Variants in MAP6 observed in about 807,000 individuals in gnomAD.
MAP6 encodes microtubule associated protein 6.
Under a neutral mutation model 42.4 loss-of-function variants are expected in MAP6, and 26 were observed. The observed-to-expected ratio is 0.61, with a 90% CI of 0.45 to 0.85. The LOEUF (loss-of-function observed/expected upper bound fraction) is 0.85. Ranked by LOEUF, MAP6 falls within the 40% of genes least tolerant of loss-of-function variation. The pLI is 0.00. For synonymous variants in MAP6, 418 were observed against 443.8 expected (o/e 0.94, Z 0.73); for missense variants, 966 against 1,099.0 (o/e 0.88, Z 1.71).
intron 1 of MAP6, among the ~76,000 whole-genome samples, chr11:75,630,900 A>G (rs1057136753): frequency 1.3e-5 from 2 of 152,246 alleles, no homozygotes; most frequent in Non-Finnish European, 2.9e-5. Flanking sequence ...TGAAAATTCC[A>G]CTGTTCTTAC....
At chr11:75,664,900 C>A (rs149236271) in intron 1 of MAP6, among the ~76,000 whole-genome samples, 278 of 151,500 alleles carry the variant, frequency 1.8e-3, no homozygotes, top group African/African-American at 6.0e-3. Context: ...AAAAAAAAAA[C>A]CCGTTAAATT....
rs772831688 is a variant in MAP6, at chr11:75,667,440, C to A, written c.905+25G>T. ...GGGAGGGTCTGCGTGGTGACTCCCC[C>A]GCGCTAGCAGCGGCCGCGTCTCACC... On this transcript the variant is annotated intron_variant, in intron 1 of 3. Coordinates refer to ENST00000304771, the MANE Select transcript of MAP6 (RefSeq NM_033063.2). The surrounding 1 kb of genome is among the most constrained non-coding windows in gnomAD (Gnocchi z 5.6). 1 of 1,449,534 alleles carries A rather than the reference C, an allele frequency of 6.9e-7. No individual in the cohort carries two copies. Among genetic ancestry groups the A allele is most frequent in the South Asian group, 1.4e-5 (1 of 73,384 alleles). The allele number at this position is 1,449,534 out of a possible 1,614,324, so 89.8% of individuals were successfully genotyped here.
intron 3 of MAP6, among the ~76,000 whole-genome samples, chr11:75,595,687 C>T (rs1482055250): frequency 6.6e-6 from 1 of 152,098 alleles, no homozygotes; most frequent in Non-Finnish European, 1.5e-5. Flanking sequence ...AACCTCTGAG[C>T]CTCTACTTCC....
chr11:75,591,936 T>C (rs569605513), intron 3 of MAP6, among the ~76,000 whole-genome samples: 1 of 152,372 alleles, frequency 6.6e-6, no homozygotes, highest in South Asian at 2.1e-4. Context: ...AGTGCTTGGA[T>C]AGTGCACAAA....
intron 3 of MAP6, chr11:75,605,032 G>A (rs1336786978): frequency 5.1e-6 from 5 of 985,466 alleles, no homozygotes; most frequent in Non-Finnish European, 6.0e-6. Context: ...ACAGGTGGTC[G>A]GCCGAGGAGA....
intron 1 of MAP6, among the ~76,000 whole-genome samples, chr11:75,625,749 A>C (rs1216443623): frequency 6.6e-6 from 1 of 152,186 alleles, no homozygotes; most frequent in African/African-American, 2.4e-5. Context: ...TAAATATCAA[A>C]ATAAAATTTG....
intron 1 of MAP6, among the ~76,000 whole-genome samples, chr11:75,648,723 T>A (rs1391146594): frequency 6.6e-6 from 1 of 151,964 alleles, no homozygotes; most frequent in Non-Finnish European, 1.5e-5. Flanking sequence ...GTAATCAGAA[T>A]CAATGCAGGC....
At chr11:75,619,849 G>T (rs1313848413) in intron 1 of MAP6, among the ~76,000 whole-genome samples, 1 of 152,092 alleles carries the variant, frequency 6.6e-6, no homozygotes, top group Non-Finnish European at 1.5e-5. Context: ...TCCAGTAATG[G>T]GATTGCTGGG....
chr11:75,640,047 C>T (rs1943436086), intron 1 of MAP6, among the ~76,000 whole-genome samples: 1 of 152,182 alleles, frequency 6.6e-6, no homozygotes, highest in Non-Finnish European at 1.5e-5. Context: ...GCAACCTCCA[C>T]ACTGGTAACC....
At chr11:75,630,028 G>A (rs1435370091) in intron 1 of MAP6, among the ~76,000 whole-genome samples, 1 of 152,140 alleles carries the variant, frequency 6.6e-6, no homozygotes, top group Non-Finnish European at 1.5e-5. Flanking sequence ...ACACACTACT[G>A]GATTTCAAAT....
intron 1 of MAP6, among the ~76,000 whole-genome samples, chr11:75,649,833 C>T (rs1022235395): frequency 6.6e-6 from 1 of 152,030 alleles, no homozygotes; most frequent in Admixed American, 6.6e-5. Flanking sequence ...GCCACCGCAC[C>T]CAGCCTCAAA....
In MAP6 at chr11:75,587,609, A is replaced by G. The variant is rs757454457; in HGVS notation, c.1892T>C (p.Met631Thr). The stretch of plus-strand genomic sequence containing the variant: ...TTGATCCTTGATAGGTGCTGAGACC[A>G]TGGGACCTTCATCCTTGACAGGTGC... Reference protein sequence around the residue: ...VPAPVKDEGPMVSAPIKDQDP... With the variant: ...VPAPVKDEGPTVSAPIKDQDP... The change falls in exon 4 of 4, where the codon ATG becomes ACG. Residue 631 changes from methionine (M) to threonine (T), a missense_variant. This residue lies in a region of MAP6 where 943 missense variants were observed against 1,049.9 expected (regional missense o/e 0.90). Transcript: ENST00000304771. 6.2e-7 allele frequency: 1 copy of G among 1,614,140 alleles called. No homozygotes were observed. The highest frequency in any genetic ancestry group is 2.2e-5 in the East Asian group (1 of 44,878).
intron 1 of MAP6, among the ~76,000 whole-genome samples, chr11:75,611,807 T>C (rs1942901936): frequency 6.6e-6 from 1 of 152,232 alleles, no homozygotes; most frequent in Non-Finnish European, 1.5e-5. Context: ...TAAAACAACT[T>C]TGAGAACAGG....
rs1942396686 is a variant in MAP6, at chr11:75,588,084, C to A, written c.1417G>T (p.Gly473Cys). ...QGSVVPGLLKGQGPMVQEPLK... is the reference protein window; with the variant it reads ...QGSVVPGLLKCQGPMVQEPLK... Reference sequence around the variant, plus strand: ...GGCTCTTGCACCATAGGACCTTGACCTTTCAGAAGGCCTGGGACCACAGAA... The same window carrying A: ...GGCTCTTGCACCATAGGACCTTGACATTTCAGAAGGCCTGGGACCACAGAA... Residue 473 changes from glycine (G) to cysteine (C), a missense_variant, in exon 4 of 4, where the codon GGT becomes TGT. Gly to Cys is a radical substitution (Grantham distance 159). Transcript: ENST00000304771. The A allele has an allele frequency of 6.2e-7, 1 of 1,613,898 alleles. No homozygotes were observed. The highest frequency in any genetic ancestry group is 1.3e-5 in the African/African-American group (1 of 74,886).
At chr11:75,599,194 GC>G in intron 3 of MAP6, among the ~76,000 whole-genome samples, 1 of 152,024 alleles carries the variant, frequency 6.6e-6, no homozygotes, top group Non-Finnish European at 1.5e-5. Context: ...AGCTCTCTTG[GC>G]CCCAGATAAG....
chr11:75,613,737 G>T (rs1245038030), intron 1 of MAP6, among the ~76,000 whole-genome samples: 2 of 152,144 alleles, frequency 1.3e-5, no homozygotes, highest in African/African-American at 4.8e-5. Context: ...AGATGAATGG[G>T]CTCAATCAAT....
intron 1 of MAP6, among the ~76,000 whole-genome samples, chr11:75,637,833 TAGGA>T (rs1228304824): frequency 1.2e-5 from 1 of 83,600 alleles, no homozygotes; most frequent in Non-Finnish European, 2.3e-5. Context: ...GGGAGGGAAG[TAGGA>T]AGGAGGGAGG....
chr11:75,597,940 G>A (rs761970490), intron 3 of MAP6, among the ~76,000 whole-genome samples: 8 of 152,190 alleles, frequency 5.3e-5, no homozygotes, highest in Non-Finnish European at 1.0e-4. Context: ...GGAAGCTGTG[G>A]TCAGCAAAAC....
intron 2 of MAP6, among the ~76,000 whole-genome samples, 180 bp downstream of exon 2, chr11:75,607,929 G>A (rs1463412849): frequency 6.6e-6 from 1 of 152,216 alleles, no homozygotes; most frequent in African/African-American, 2.4e-5. Context: ...TTCCCTTTGA[G>A]TTTAACAAAG....
Sources: allele counts gnomAD v4.1 joint callset (sites outside exome capture counted in the v4.1 genomes callset), GRCh38; gene constraint gnomAD v4.1.1; regional missense constraint gnomAD v4.1.1; non-coding constraint Gnocchi (gnomAD v3.1); transcripts MANE v1.5; gene names NCBI Gene and HGNC (gene_info 2026-07-23, HGNC 2026-07-21).